RAB7A: variants seen among roughly 807,000 people sequenced by gnomAD.
The protein encoded by RAB7A is RAB7A, member RAS oncogene family.
RAB7A carries 2 observed loss-of-function variants against 24.5 expected under a neutral mutation model. The observed-to-expected ratio is 0.08, with a 90% CI of 0.03 to 0.26. The LOEUF is 0.26. RAB7A is among the 10% of genes least tolerant of loss of function. RAB7A has a pLI of 1.00. For synonymous variants in RAB7A, 100 were observed against 95.9 expected (o/e 1.04, Z -0.25); for missense variants, 118 against 255.7 (o/e 0.46, Z 3.67).
chr3:128,800,158 C>A (rs998113514), intron 3 of RAB7A, among the ~76,000 whole-genome samples: 2 of 151,798 alleles, frequency 1.3e-5, no homozygotes, highest in Non-Finnish European at 2.9e-5. Context: ...TGTAGAAGAC[C>A]GAAAAGCAAA....
intron 1 of RAB7A, among the ~76,000 whole-genome samples, chr3:128,785,606 A>G (rs1933320351): frequency 6.6e-6 from 1 of 151,880 alleles, no homozygotes; most frequent in Admixed American, 6.6e-5. Flanking sequence ...TAAAAATACA[A>G]AAAGGCGTGG....
chr3:128,789,959 T>G (rs1429534250), intron 1 of RAB7A, among the ~76,000 whole-genome samples: 1 of 152,110 alleles, frequency 6.6e-6, no homozygotes, highest in African/African-American at 2.4e-5. Context: ...CGCAGCTTAA[T>G]TTTTGTATTT....
At chr3:128,785,920 TC>T (rs1335604044) in intron 1 of RAB7A, among the ~76,000 whole-genome samples, 1 of 152,094 alleles carries the variant, frequency 6.6e-6, no homozygotes, top group African/African-American at 2.4e-5. Context: ...AGGTGGTAAT[TC>T]TAAATGGAAC....
At chr3:128,798,154 CCT>C in intron 3 of RAB7A, 85 bp downstream of exon 3, 6 of 1,520,842 alleles carry the variant, frequency 3.9e-6, no homozygotes, top group Non-Finnish European at 5.5e-6. Context: ...ATTTTCCTTC[CCT>C]GTTCTTCAAA....
At chr3:128,802,240 T>G (rs970276393) in intron 3 of RAB7A, among the ~76,000 whole-genome samples, 2 of 152,220 alleles carry the variant, frequency 1.3e-5, no homozygotes, top group Non-Finnish European at 2.9e-5. Context: ...AGGGAAAGAT[T>G]AGTGACTGCT....
At chr3:128,757,088 A>G (rs2070735620) in intron 1 of RAB7A, among the ~76,000 whole-genome samples, 1 of 151,610 alleles carries the variant, frequency 6.6e-6, no homozygotes, top group South Asian at 2.1e-4. Flanking sequence ...CAGGTGATCC[A>G]CTCACCTCCA....
At chr3:128,758,042 A>G (rs943816191) in intron 1 of RAB7A, among the ~76,000 whole-genome samples, 21 of 152,050 alleles carry the variant, frequency 1.4e-4, no homozygotes, top group Middle Eastern at 3.4e-3. Flanking sequence ...AGCTCACTCT[A>G]ACTTCAAAGT....
At chr3:128,737,554 C>G (rs965332152) in intron 1 of RAB7A, among the ~76,000 whole-genome samples, 20 of 151,916 alleles carry the variant, frequency 1.3e-4, no homozygotes, top group African/African-American at 4.8e-4. Context: ...CCATGTTGCC[C>G]AGGCTGGTCT....
intron 1 of RAB7A, among the ~76,000 whole-genome samples, chr3:128,767,404 T>C (rs543993659): frequency 6.6e-6 from 1 of 152,310 alleles, no homozygotes; most frequent in South Asian, 2.1e-4. Flanking sequence ...CCCAAGGAGC[T>C]TTGGCTTTCA....
chr3:128,794,217 C>T (rs1177389375), intron 1 of RAB7A, among the ~76,000 whole-genome samples: 3 of 152,182 alleles, frequency 2.0e-5, no homozygotes, highest in African/African-American at 7.2e-5. Flanking sequence ...TTCTGTTACT[C>T]ATCTCTGTAT....
rs530959063 is a variant in RAB7A, at chr3:128,788,484, G to A, written c.-8-6876G>A. Among the ~76,000 whole-genome samples the A allele has an allele frequency of 1.3e-4, 20 of 152,280 alleles. No homozygotes were observed. The South Asian group carries it at 4.1e-3, about 32-fold the overall frequency. On this transcript the variant is annotated intron_variant, in intron 1 of 5. Coordinates refer to ENST00000265062, the MANE Select transcript of RAB7A (RefSeq NM_004637.6). Reference sequence around the variant, plus strand: ...GGAAAAAGCATTAAATTTGTAGGTGGAAAACATGAACATCATCAATGTGTC... The same window carrying A: ...GGAAAAAGCATTAAATTTGTAGGTGAAAAACATGAACATCATCAATGTGTC...
intron 1 of RAB7A, among the ~76,000 whole-genome samples, chr3:128,775,044 A>G (rs1256394637): frequency 2.0e-5 from 3 of 152,172 alleles, no homozygotes; most frequent in Admixed American, 6.5e-5. Context: ...GGCCTCCCAA[A>G]GTGTTGGGAT....
In RAB7A at chr3:128,813,585, T is replaced by TCTCA. The variant is rs1933974252; in HGVS notation, c.*164_*165insTCAC. 1 of 598,664 alleles carries TCTCA rather than the reference T, an allele frequency of 1.7e-6. No individual in the cohort carries two copies. 37.1% of individuals were successfully genotyped at this position (598,664 alleles called of 1,614,324 possible). On this transcript the variant is annotated 3_prime_UTR_variant, in exon 6 of 6. Coordinates refer to ENST00000265062, the MANE Select transcript of RAB7A (RefSeq NM_004637.6). Reference sequence around the variant, plus strand: ...AACACAGTTACACCCCACATATCTCTCACACACACACACACACGCACACAC... The same window carrying TCTCA: ...AACACAGTTACACCCCACATATCTCTCTCACACACACACACACACACGCACACAC...
intron 1 of RAB7A, among the ~76,000 whole-genome samples, chr3:128,754,221 C>T (rs984934895): frequency 6.6e-5 from 10 of 152,086 alleles, no homozygotes; most frequent in Non-Finnish European, 1.2e-4. Context: ...AGTTATTAGT[C>T]TGTGTTTTGG....
At chr3:128,798,879 T>C in intron 3 of RAB7A, 1 of 291,052 alleles carries the variant, frequency 3.4e-6, no homozygotes, top group South Asian at 3.4e-5. Flanking sequence ...TATTTTCATC[T>C]CTTTCTTCAT....
intron 5 of RAB7A, among the ~76,000 whole-genome samples, chr3:128,811,401 A>T (rs888659883): frequency 6.6e-6 from 1 of 152,252 alleles, no homozygotes; most frequent in Admixed American, 6.5e-5. Context: ...TCAAATGTCC[A>T]TCAACTGGTA....
intron 1 of RAB7A, among the ~76,000 whole-genome samples, chr3:128,791,150 T>C (rs1370893590): frequency 6.6e-6 from 1 of 150,754 alleles, no homozygotes; most frequent in Non-Finnish European, 1.5e-5. Context: ...TTTTGTTTGT[T>C]TTTTTTTTTA....
intron 1 of RAB7A, among the ~76,000 whole-genome samples, chr3:128,744,791 T>G (rs1049011791): frequency 6.6e-6 from 1 of 152,190 alleles, no homozygotes; most frequent in Non-Finnish European, 1.5e-5. Flanking sequence ...TGCCCTGCAT[T>G]TGGCTCAGAG....
chr3:128,757,238 AT>A (rs1054227493), intron 1 of RAB7A, among the ~76,000 whole-genome samples: 3 of 152,126 alleles, frequency 2.0e-5, no homozygotes, highest in African/African-American at 7.2e-5. Flanking sequence ...GTTATTCTCC[AT>A]TTTTTTCTCT....
Sources: gnomAD v4.1 joint callset for allele counts (sites outside exome capture counted in the v4.1 genomes callset) on GRCh38, gnomAD v4.1.1 for gene constraint, MANE v1.5 for transcripts, NCBI Gene and HGNC (gene_info 2026-07-23, HGNC 2026-07-21) for gene names.